The following SYNE2 variants were observed in gnomAD, a reference collection of about 807,000 sequenced individuals.
SYNE2 encodes nesprin-2.
Under a neutral mutation model 856.3 loss-of-function variants are expected in SYNE2, and 431 were observed. That is an observed-to-expected ratio of 0.50 (90% CI 0.47 to 0.55). SYNE2 has a LOEUF of 0.55. SYNE2 is among the 20% of genes least tolerant of loss of function. The probability of loss-of-function intolerance (pLI) is 0.00; values close to 1 mark genes in which losing one functional copy is unlikely to be tolerated. For synonymous variants in SYNE2, 2,923 were observed against 2,872.3 expected, an observed-to-expected ratio of 1.02 and a Z score of -0.56; for missense variants, 8,129 against 8,023.2, an observed-to-expected ratio of 1.01 and a Z score of -0.50.
intron 23 of SYNE2, among the ~76,000 whole-genome samples, chr14:63,995,534 C>G (rs376355242): frequency 2.2e-3 from 332 of 152,298 alleles, no homozygotes; most frequent in Non-Finnish European, 4.1e-3. Context: ...CTCAGAAGCA[C>G]AGCTTTTGAG....
At chr14:64,101,402 C>T (rs909626351) in intron 63 of SYNE2, among the ~76,000 whole-genome samples, 2 of 152,072 alleles carry the variant, frequency 1.3e-5, no homozygotes, top group Admixed American at 6.5e-5. Context: ...TTCTTATACT[C>T]GTGGCTGTAA....
At chr14:63,952,915 A>G (rs996055612) in intron 7 of SYNE2, among the ~76,000 whole-genome samples, 1 of 152,220 alleles carries the variant, frequency 6.6e-6, no homozygotes, top group African/African-American at 2.4e-5. Context: ...AAAGGACACT[A>G]TAGTTGTTCT....
rs772339033 is a variant in SYNE2, at chr14:64,128,540, C to T, written c.14006C>T (p.Ala4669Val). The T allele has an allele frequency of 2.5e-6, 4 of 1,603,392 alleles. No individual in the cohort carries two copies. Among genetic ancestry groups the T allele is most frequent in the South Asian group, 1.1e-5 (1 of 90,858 alleles). ...SLNEISGQSV[A>V]EQLQKADAYT... ...AATGAAATCAGTGGGCAGAGTGTTG[C>T]TGAACAGCTTCAGGTAATCAAGTCA... Residue 4669 changes from alanine (A) to valine (V), a missense_variant, in exon 74 of 116, where the codon GCT (alanine) becomes GTT (valine). Physicochemically the swap from Ala to Val is moderately conservative, Grantham distance 64. This residue lies in a region of SYNE2 where 5,410 missense variants were observed against 5,284.8 expected (regional missense o/e 1.02). Transcript: ENST00000555002.
chr14:63,907,451 G>A (rs1372272463), intron 1 of SYNE2, among the ~76,000 whole-genome samples: 3 of 152,082 alleles, frequency 2.0e-5, no homozygotes, highest in African/African-American at 4.8e-5. Context: ...TCTAAGCTTT[G>A]TCTTTTCAAA....
chr14:64,021,149 A>AG (rs1441837053), intron 35 of SYNE2, among the ~76,000 whole-genome samples, 166 bp from the exon 36 acceptor site: 1 of 152,226 alleles, frequency 6.6e-6, no homozygotes, highest in Non-Finnish European at 1.5e-5. Context: ...TATCCTTTAA[A>AG]GGCAAAATTC....
intron 1 of SYNE2, among the ~76,000 whole-genome samples, chr14:63,816,067 G>T (rs535212594): frequency 6.7e-6 from 1 of 150,200 alleles, no homozygotes; most frequent in Non-Finnish European, 1.5e-5. Flanking sequence ...TCCTGCCTCA[G>T]ACTCCCAAGT....
intron 1 of SYNE2, among the ~76,000 whole-genome samples, chr14:63,831,590 C>G (rs1307689537): frequency 8.9e-6 from 1 of 112,504 alleles, no homozygotes; most frequent in African/African-American, 3.4e-5. Flanking sequence ...GGATCTCACT[C>G]TGTCTCCCAG....
intron 57 of SYNE2, among the ~76,000 whole-genome samples, chr14:64,083,941 T>G (rs2097541645): frequency 6.6e-6 from 1 of 151,942 alleles, no homozygotes; most frequent in Non-Finnish European, 1.5e-5. Context: ...TTTTTTTTTT[T>G]GAGACGGAGT....
At chr14:64,221,738 C>G in intron 112 of SYNE2, 34 bp downstream of exon 112, 1 of 1,611,260 alleles carries the variant, frequency 6.2e-7, no homozygotes, top group Non-Finnish European at 8.5e-7. Flanking sequence ...GTACTGCCAC[C>G]AGCCTCTGTC....
chr14:63,851,438 A>G (rs1015386161), upstream of SYNE2, among the ~76,000 whole-genome samples: 1 of 152,212 alleles, frequency 6.6e-6, no homozygotes, highest in Non-Finnish European at 1.5e-5. Flanking sequence ...GACTCAAGCC[A>G]TTGTTAATAA....
chr14:63,800,452 C>T (rs571331060), intron 1 of SYNE2, among the ~76,000 whole-genome samples: 6 of 152,206 alleles, frequency 3.9e-5, no homozygotes, highest in African/African-American at 1.4e-4. Context: ...TGGGGTTTCT[C>T]TCTAATTTTG....
Position 63,961,628 on chromosome 14 carries a change from A to G in SYNE2, c.888+3A>G. On this transcript the variant is annotated splice_donor_region_variant and intron_variant, in intron 9 of 115. Coordinates refer to ENST00000555002, the MANE Select transcript of SYNE2 (RefSeq NM_182914.3). The stretch of plus-strand genomic sequence containing the variant: ...CTGGGACTGGAGAGGAGGCTCAGGT[A>G]TGTTTTCATATGCATAAATCAAGCT... 1.9e-6 allele frequency: 3 copies of G among 1,591,546 alleles called. No individual in the cohort carries two copies. The highest frequency in any genetic ancestry group is 2.6e-6 in the Non-Finnish European group (3 of 1,159,570).
chr14:63,840,643 T>C (rs1281340449), intron 1 of SYNE2, among the ~76,000 whole-genome samples: 3 of 152,030 alleles, frequency 2.0e-5, no homozygotes, highest in Non-Finnish European at 4.4e-5. Context: ...TTTAAATGTC[T>C]CTGCCAAAGG....
At chr14:63,849,808 G>C (rs1054974609), upstream of SYNE2, among the ~76,000 whole-genome samples, 4 of 152,158 alleles carry the variant, frequency 2.6e-5, no homozygotes, top group Non-Finnish European at 4.4e-5. Context: ...GAGTTCCTTA[G>C]ACCATGATTT....
At position 64,027,485 on chromosome 14, in the gene SYNE2, C is replaced by A; in HGVS notation, c.6406C>A (p.His2136Asn). ...TATAAAATATTTTGTGAAATTTAGC[C>A]ATCAAGAAAAGCTTCTACTAGAAGG... The part of the protein sequence containing the change: ...TLHLASTYLS[H>N]QEKLLLEGEK... The change falls in exon 43 of 116, where the codon CAT (histidine) becomes AAT (asparagine). Residue 2136 changes from histidine (H) to asparagine (N), a missense_variant and splice_region_variant. Coordinates refer to ENST00000555002, the MANE Select transcript of SYNE2 (RefSeq NM_182914.3). The A allele has an allele frequency of 6.3e-7, 1 of 1,578,220 alleles. No homozygotes were observed. The highest frequency in any genetic ancestry group is 1.2e-5 in the South Asian group (1 of 84,370).
At chr14:63,916,841 T>C (rs369898389) in intron 2 of SYNE2, among the ~76,000 whole-genome samples, 34 of 152,244 alleles carry the variant, frequency 2.2e-4, no homozygotes, top group African/African-American at 7.7e-4. Context: ...CCCAGCACTT[T>C]GGGAGGCTGA....
intron 1 of SYNE2, among the ~76,000 whole-genome samples, chr14:63,893,898 A>G (rs375895943): frequency 2.8e-4 from 43 of 152,276 alleles, no homozygotes; most frequent in Non-Finnish European, 4.6e-4. Context: ...GGAAGGGTCT[A>G]ACGAGCTAGG....
At chr14:63,785,279 C>T (rs1157710105) in intron 1 of SYNE2, among the ~76,000 whole-genome samples, 1 of 151,884 alleles carries the variant, frequency 6.6e-6, no homozygotes, top group Non-Finnish European at 1.5e-5. Flanking sequence ...AGAAACATGG[C>T]AAAACCCCGT....
chr14:64,151,357 T>A (rs3915545), intron 84 of SYNE2, among the ~76,000 whole-genome samples: 55,055 of 144,158 alleles, frequency 0.38, 10,639 homozygotes, highest in East Asian at 0.51. Context: ...AGCTACCCCA[T>A]GCCCACGAGG....
Sources: gnomAD v4.1 joint callset for allele counts (sites outside exome capture counted in the v4.1 genomes callset) on GRCh38, gnomAD v4.1.1 for gene constraint, gnomAD v4.1.1 regional missense constraint, MANE v1.5 for transcripts, NCBI Gene and HGNC (gene_info 2026-07-23, HGNC 2026-07-21) for gene names.